Variants in SNX20 observed in about 807,000 individuals in gnomAD.
SNX20 encodes the protein sorting nexin 20.
Under a neutral mutation model 24.5 loss-of-function variants are expected in SNX20, and 21 were observed. That is an observed-to-expected ratio of 0.86 (90% confidence interval 0.61 to 1.23). SNX20 has a LOEUF of 1.23. Ranked by LOEUF, SNX20 falls within the 50% of genes most tolerant of loss-of-function variation. SNX20 has a pLI of 0.00. For synonymous variants in SNX20, 206 were observed against 192.8 expected (o/e 1.07, Z -0.57); for missense variants, 433 against 430.8 (o/e 1.00, Z -0.04).
At chr16:50,667,371 T>TC (rs1962939207), downstream of SNX20, 1 of 153,840 alleles carries the variant, frequency 6.5e-6, no homozygotes, top group African/African-American at 2.4e-5. Context: ...TTCTCCCCTC[T>TC]CTGTGCTCCC....
At chr16:50,668,747 T>C (rs1401913815), downstream of SNX20, 1 of 1,142,552 alleles carries the variant, frequency 8.8e-7, no homozygotes, top group Non-Finnish European at 1.1e-6. Flanking sequence ...AGAGGCCTGC[T>C]GGGGATGTGT....
At position 50,676,477 on chromosome 16, in the gene SNX20, C is replaced by T. The variant is rs149020882; in HGVS notation, c.131-556G>A. ...CCTTGCATCCAACCCTCTATTTCCA[C>T]GCCTGGAAAACGAACACAGTGTTTC... On this transcript the variant is annotated intron_variant, in intron 2 of 3. Transcript: ENST00000330943. 8.2e-3 allele frequency among the ~76,000 whole-genome samples: 1,247 copies of T among 152,262 alleles called. 9 individuals are homozygous for T. The highest frequency in any genetic ancestry group is 0.01 in the Non-Finnish European group (701 of 68,026).
rs72303410 is a variant in SNX20 at position 50,672,496 on chromosome 16, C to CGTGTGTGTGTGTGTGT, written c.*894_*909dup. ...CAAAAGGATGGCATACAACTCCCAC[C>CGTGTGTGTGTGTGTGT]GTGTGTGTGTGTGTGTGTGTGTGTG... On this transcript the variant is annotated 3_prime_UTR_variant, in exon 4 of 4. Transcript: ENST00000330943. 10 of 138,084 alleles carry CGTGTGTGTGTGTGTGT rather than the reference C, an allele frequency of 7.2e-5. No homozygotes were observed. Among genetic ancestry groups the CGTGTGTGTGTGTGTGT allele is most frequent in the African/African-American group, 2.8e-4 (10 of 36,054 alleles). 8.6% of individuals were successfully genotyped at this position (138,084 alleles called of 1,614,324 possible).
intron 1 of SNX20, among the ~76,000 whole-genome samples, chr16:50,680,438 T>C (rs1963272956): frequency 6.6e-6 from 1 of 152,120 alleles, no homozygotes; most frequent in Non-Finnish European, 1.5e-5. Flanking sequence ...TCCAGCCGTG[T>C]GTGCACAGAC....
In SNX20 at chr16:50,673,523, G is replaced by A. The variant is rs1293636824; in HGVS notation, c.834C>T (p.Tyr278=). 3 of 1,609,844 alleles carry A rather than the reference G, an allele frequency of 1.9e-6. No homozygotes were observed. The highest frequency in any genetic ancestry group is 1.3e-5 in the African/African-American group (1 of 74,494). Residue 278 remains tyrosine (Y), a synonymous_variant, in exon 4 of 4, where the codon TAC becomes TAT. Coordinates refer to ENST00000330943, the MANE Select transcript of SNX20 (RefSeq NM_182854.4). The surrounding 1 kb of genome is among the most constrained non-coding windows in gnomAD (Gnocchi z 4.1). ...PLLDAMVRLA[Y]ALGKDFVTLQ... ...GAGTCACGAAGTCCTTGCCCAGCGCGTAGGCCAGGCGGACCATGGCGTCCA... is the reference window on the plus strand; with the variant it reads ...GAGTCACGAAGTCCTTGCCCAGCGCATAGGCCAGGCGGACCATGGCGTCCA...
chr16:50,675,793 C>T lies in SNX20; in HGVS notation c.259G>A (p.Glu87Lys). The stretch of plus-strand genomic sequence containing the variant: ...ACCACAAACTTAGAGACTTTTCTCT[C>T]CTCGATGCGAGCTGAAGCGATCTCA... The part of the protein sequence containing the change: ...LFEIASARIE[E>K]RKVSKFVVYQ... The change falls in exon 3 of 4, where the codon GAG (glutamate) becomes AAG (lysine). Residue 87 changes from glutamate (E) to lysine (K), a missense_variant. By Grantham distance (56) the Glu-to-Lys change is moderately conservative. Transcript: ENST00000330943. 1.2e-6 allele frequency: 2 copies of T among 1,613,422 alleles called. No homozygotes were observed. Among genetic ancestry groups the T allele is most frequent in the Non-Finnish European group, 8.5e-7 (1 of 1,179,708 alleles).
In SNX20 at chr16:50,673,358, C is replaced by A; in HGVS notation, c.*48G>T. Reference sequence around the variant, plus strand: ...AGAACCCCAAACAGCCCACTGTGAGCCATGGTGACCCCAAATCTCCAGCGT... The same window carrying A: ...AGAACCCCAAACAGCCCACTGTGAGACATGGTGACCCCAAATCTCCAGCGT... On this transcript the variant is annotated 3_prime_UTR_variant, in exon 4 of 4. Coordinates refer to ENST00000330943, the MANE Select transcript of SNX20 (RefSeq NM_182854.4). This position sits in a 1 kb window ranked among gnomAD's most constrained non-coding sequence, Gnocchi z 4.1. 7.0e-7 allele frequency: 1 copy of A among 1,428,674 alleles called. No homozygotes were observed. The highest frequency in any genetic ancestry group is 1.6e-5 in the South Asian group (1 of 63,630). 88.5% of individuals were successfully genotyped at this position (1,428,674 alleles called of 1,614,324 possible).
rs902541555 is a variant in SNX20 at position 50,672,279 on chromosome 16, C to T, written c.*1127G>A. On this transcript the variant is annotated 3_prime_UTR_variant, in exon 4 of 4. Transcript: ENST00000330943. ...ATTAAGTATGTTGTATCACCTCCTC[C>T]CCAGGCTGTTTCTACATAACCCAGG... is the stretch of plus-strand genomic sequence containing the variant. 1 of 152,222 alleles carries T rather than the reference C, an allele frequency of 6.6e-6. No homozygotes were observed. The highest frequency in any genetic ancestry group is 1.5e-5 in the Non-Finnish European group (1 of 68,064). 9.4% of individuals were successfully genotyped at this position (152,222 alleles called of 1,614,324 possible).
At position 50,675,759 on chromosome 16, in the gene SNX20, T is replaced by C. The variant is rs1963165981; in HGVS notation, c.282+11A>G. ...TGAAAGAGGCTCCACCATTTCCCAA[T>C]CTCTGCTTACCACAAACTTAGAGAC... On this transcript the variant is annotated intron_variant, in intron 3 of 3. Transcript: ENST00000330943. The C allele has an allele frequency of 1.2e-6, 2 of 1,611,562 alleles. No individual in the cohort carries two copies. Among genetic ancestry groups the C allele is most frequent in the Non-Finnish European group, 1.7e-6 (2 of 1,179,012 alleles).
At chr16:50,676,591 C>T (rs1344472124) in intron 2 of SNX20, among the ~76,000 whole-genome samples, 2 of 152,226 alleles carry the variant, frequency 1.3e-5, no homozygotes, top group Admixed American at 1.3e-4. Context: ...TGGGTCCCAG[C>T]CCTTTTCCAG....
Position 50,673,661 on chromosome 16 carries a change from G to C in SNX20, c.696C>G (p.Ala232=), listed in dbSNP as rs1963108946. The stretch of plus-strand genomic sequence containing the variant: ...CGAGGTCGCGGTGGCACAGCAGCAC[G>C]GCGCACAGGGCCGGGACGGCGGCCG... ...CPAAAVPALC[A]VLLCHRDLDR... is the part of the protein sequence containing the mutation. The change falls in exon 4 of 4, where the codon GCC becomes GCG. Residue 232 remains alanine (A), a synonymous_variant. Transcript: ENST00000330943. The surrounding 1 kb of genome is among the most constrained non-coding windows in gnomAD (Gnocchi z 4.1). 2 of 1,503,424 alleles carry C rather than the reference G, an allele frequency of 1.3e-6. No homozygotes were observed. The highest frequency in any genetic ancestry group is 2.6e-5 in the East Asian group (1 of 38,648). The allele number at this position is 1,503,424 out of a possible 1,614,324, so 93.1% of individuals were successfully genotyped here.
chr16:50,679,468 C>T (rs1022257447), intron 1 of SNX20, among the ~76,000 whole-genome samples: 1 of 152,210 alleles, frequency 6.6e-6, no homozygotes, highest in Non-Finnish European at 1.5e-5. Context: ...GGGCGGCCCT[C>T]AGGGACCCTC....
At chr16:50,674,225 G>T (rs138463058) in intron 3 of SNX20, 151 bp from the exon 4 acceptor site, 2 of 884,738 alleles carry the variant, frequency 2.3e-6, no homozygotes, top group Non-Finnish European at 3.0e-6. Context: ...TTGTTTGTTT[G>T]TTTGTTTATT....
rs1214886251 is a variant in SNX20 at position 50,673,495 on chromosome 16, G to A, written c.862C>T (p.Gln288Ter). ...AGCTGGCTCTCCTCCAGCCTCTCCT[G>A]CAGAGTCACGAAGTCCTTGCCCAGC... ...YALGKDFVTL[Q>*]ERLEESQLRR... The change falls in exon 4 of 4, where the codon CAG (glutamine) becomes TAG (stop). Residue 288 changes from glutamine to a stop codon, truncating the protein, a stop_gained. Coordinates refer to ENST00000330943, the MANE Select transcript of SNX20 (RefSeq NM_182854.4). LOFTEE classifies it high-confidence loss of function. The surrounding 1 kb of genome is among the most constrained non-coding windows in gnomAD (Gnocchi z 4.1). 1 of 1,609,070 alleles carries A rather than the reference G, an allele frequency of 6.2e-7. No homozygotes were observed.
In SNX20 at chr16:50,677,457, G is replaced by A; in HGVS notation, c.70C>T (p.Gln24Ter). ...GPITQCTART[Q>*]QEAPATGPDL... The stretch of plus-strand genomic sequence containing the variant: ...GGGCCAGTGGCTGGTGCTTCCTGCT[G>A]GGTCCTTGCCGTGCACTGGGTTATG... The change falls in exon 2 of 4, where the codon CAG (glutamine) becomes TAG (stop). Residue 24 changes from glutamine (Q) to a stop codon, truncating the protein, a stop_gained. Transcript: ENST00000330943. LOFTEE classifies it high-confidence loss of function. The A allele has an allele frequency of 6.2e-7, 1 of 1,610,066 alleles. No homozygotes were observed. The highest frequency in any genetic ancestry group is 8.5e-7 in the Non-Finnish European group (1 of 1,178,124).
downstream of SNX20, chr16:50,667,829 G>A: frequency 3.1e-6 from 2 of 636,792 alleles, no homozygotes; most frequent in East Asian, 5.5e-5. Flanking sequence ...TGGAGCTAGT[G>A]AGGGGGCCGA....
Position 50,673,655 on chromosome 16 carries a change from C to A in SNX20, c.702G>T (p.Leu234=). 1 of 1,510,646 alleles carries A rather than the reference C, an allele frequency of 6.6e-7. No homozygotes were observed. Among genetic ancestry groups the A allele is most frequent in the Non-Finnish European group, 8.8e-7 (1 of 1,139,114 alleles). The allele number at this position is 1,510,646 out of a possible 1,614,324, so 93.6% of individuals were successfully genotyped here. A position where few individuals can be genotyped will look rare whatever the true frequency, so the allele number is the denominator to read the frequency against. The change falls in exon 4 of 4, where the codon CTG becomes CTT. Residue 234 remains leucine (L), a synonymous_variant. Coordinates refer to ENST00000330943, the MANE Select transcript of SNX20 (RefSeq NM_182854.4). The surrounding 1 kb of genome is among the most constrained non-coding windows in gnomAD (Gnocchi z 4.1). ...AAAVPALCAV[L]LCHRDLDRPA... ...GGCGGTCGAGGTCGCGGTGGCACAG[C>A]AGCACGGCGCACAGGGCCGGGACGG...
At position 50,673,999 on chromosome 16, in the gene SNX20, A is replaced by G. The variant is rs764315378; in HGVS notation, c.358T>C (p.Phe120Leu). The change falls in exon 4 of 4, where the codon TTC (phenylalanine) becomes CTC (leucine). Residue 120 changes from phenylalanine to leucine, a missense_variant. Coordinates refer to ENST00000330943, the MANE Select transcript of SNX20 (RefSeq NM_182854.4). This position sits in a 1 kb window ranked among gnomAD's most constrained non-coding sequence, Gnocchi z 4.1. ...KAVLERRYSD[F>L]AKLQKALLKT... Reference sequence around the variant, plus strand: ...AGCAGCGCTTTCTGGAGCTTCGCGAAGTCGGAATAGCGCCGTTCCAGGACG... The same window carrying G: ...AGCAGCGCTTTCTGGAGCTTCGCGAGGTCGGAATAGCGCCGTTCCAGGACG... 8.7e-6 allele frequency: 14 copies of G among 1,612,654 alleles called. No individual in the cohort carries two copies. The highest frequency in any genetic ancestry group is 1.2e-5 in the Non-Finnish European group (14 of 1,179,554).
In SNX20 at chr16:50,674,237, A is replaced by G. The variant is rs867339452; in HGVS notation, c.283-163T>C. ...TGTTTGTTTGTTTGTTTGTTTATTT[A>G]TTTATTTATTTATTTATTTATTTAT... On this transcript the variant is annotated intron_variant, in intron 3 of 3. Coordinates refer to ENST00000330943, the MANE Select transcript of SNX20 (RefSeq NM_182854.4). Among the ~76,000 whole-genome samples the G allele has an allele frequency of 1.5e-3, 210 of 142,682 alleles. 2 individuals are homozygous for G. The highest frequency in any genetic ancestry group is 3.9e-3 in the African/African-American group (132 of 34,222). The allele number at this position is 142,682 out of a possible 152,430, so 93.6% of individuals were successfully genotyped here. A position where few individuals can be genotyped will look rare whatever the true frequency, so the allele number is the denominator to read the frequency against.
Sources: gnomAD v4.1 joint callset for allele counts (sites outside exome capture counted in the v4.1 genomes callset) on GRCh38, gnomAD v4.1.1 for gene constraint, Gnocchi (gnomAD v3.1) non-coding constraint, MANE v1.5 for transcripts, NCBI Gene and HGNC (gene_info 2026-07-23, HGNC 2026-07-21) for gene names.